The following CKMT2 variants were observed in gnomAD, a reference collection of about 807,000 sequenced individuals.
CKMT2 encodes creatine kinase, mitochondrial 2, also known as creatine kinase S-type, mitochondrial.
CKMT2 carries 43 observed loss-of-function variants against 48.9 expected under a neutral mutation model. The ratio of observed to expected loss-of-function variants is 0.88; its 90% CI spans 0.69 to 1.13. The LOEUF (loss-of-function observed/expected upper bound fraction) is 1.13. Among genes scored for constraint, CKMT2 ranks in the 50% most tolerant of loss-of-function variants. The pLI is 0.00. For missense variants in CKMT2, 472 were observed against 555.4 expected (o/e 0.85, Z 1.51); for synonymous variants, 206 against 213.0 (o/e 0.97, Z 0.29).
chr5:81,259,062 G>A (rs1363578661), intron 7 of CKMT2, 58 bp from the exon 8 acceptor site: 9 of 1,551,752 alleles, frequency 5.8e-6, no homozygotes, highest in Middle Eastern at 2.0e-4. Flanking sequence ...TTAGGGATGT[G>A]CTGAATGAAT....
At chr5:81,249,175 A>C (rs1756713919) in intron 1 of CKMT2, among the ~76,000 whole-genome samples, 1 of 151,586 alleles carries the variant, frequency 6.6e-6, no homozygotes, top group Non-Finnish European at 1.5e-5. Flanking sequence ...TAGCCTCCTG[A>C]GTAGCTGAGA....
chr5:81,237,260 A>G (rs978787948), intron 1 of CKMT2, among the ~76,000 whole-genome samples: 15 of 152,202 alleles, frequency 9.9e-5, no homozygotes, highest in African/African-American at 3.6e-4. Flanking sequence ...TTGGGGAGGG[A>G]GTGATGATGA....
At chr5:81,249,102 G>A (rs1477496388) in intron 1 of CKMT2, among the ~76,000 whole-genome samples, 1 of 147,548 alleles carries the variant, frequency 6.8e-6, no homozygotes, top group East Asian at 2.0e-4. Context: ...AGGTTGGATT[G>A]CAGTGGTATA....
At chr5:81,263,072 A>G (rs1342917712) in intron 8 of CKMT2, among the ~76,000 whole-genome samples, 3 of 151,964 alleles carry the variant, frequency 2.0e-5, no homozygotes, top group African/African-American at 4.8e-5. Flanking sequence ...AACTAACACA[A>G]GAACAGAAAA....
chr5:81,255,301 T>TC (rs1268578769), intron 5 of CKMT2, 87 bp downstream of exon 5: 1 of 1,211,494 alleles, frequency 8.3e-7, no homozygotes, highest in East Asian at 2.5e-5. Context: ...CTCTGCTCAG[T>TC]CCTTACCCTA....
chr5:81,238,364 C>A (rs7728591), intron 1 of CKMT2: 29,767 of 151,936 alleles, frequency 0.2, 3,105 homozygotes, highest in Admixed American at 0.28. Context: ...CAAAAAAAAA[C>A]CAGGCATATA....
chr5:81,237,781 T>C (rs1207785904), intron 1 of CKMT2: 4 of 152,298 alleles, frequency 2.6e-5, no homozygotes, highest in Middle Eastern at 6.8e-3. Flanking sequence ...TTGTTACAAA[T>C]TGCAACCGCT....
intron 1 of CKMT2, among the ~76,000 whole-genome samples, chr5:81,240,361 A>C (rs1756394954): frequency 1.3e-5 from 2 of 152,058 alleles, no homozygotes; most frequent in Admixed American, 6.5e-5. Flanking sequence ...GGCAGCTGGA[A>C]CTCTCTGGCA....
intron 1 of CKMT2, among the ~76,000 whole-genome samples, chr5:81,236,988 A>G (rs1756264043): frequency 6.6e-6 from 1 of 151,984 alleles, no homozygotes; most frequent in African/African-American, 2.4e-5. Flanking sequence ...CATCTCTACT[A>G]AAAGTACAAA....
intron 1 of CKMT2, chr5:81,242,613 C>A: frequency 3.2e-6 from 1 of 312,032 alleles, no homozygotes; most frequent in Non-Finnish European, 6.3e-6. Context: ...GCCCAGCATG[C>A]CAAAAAAGCC....
chr5:81,254,291 G>A, intron 3 of CKMT2, 105 bp from the exon 4 acceptor site: 1 of 837,836 alleles, frequency 1.2e-6, no homozygotes, highest in East Asian at 2.5e-5. Flanking sequence ...CAGAGAAGGA[G>A]GGCATCAACT....
At chr5:81,235,817 T>C (rs1344880993) in intron 1 of CKMT2, 1 of 152,224 alleles carries the variant, frequency 6.6e-6, no homozygotes, top group Non-Finnish European at 1.5e-5. Context: ...ATATTATTGC[T>C]TTTGGCTCTG....
intron 7 of CKMT2, among the ~76,000 whole-genome samples, chr5:81,258,880 C>T (rs367580237): frequency 1.3e-5 from 2 of 152,178 alleles, no homozygotes; most frequent in African/African-American, 4.8e-5. Context: ...TTCAAGACAC[C>T]GGTCCCTGAT....
intron 9 of CKMT2, 26 bp downstream of exon 9, chr5:81,263,642 A>G (rs375154956): frequency 1.0e-5 from 16 of 1,584,934 alleles, no homozygotes; most frequent in African/African-American, 2.7e-5. Flanking sequence ...CTTTCCTAAC[A>G]TGAACTAACA....
At chr5:81,234,752 C>CG (rs758157058) in intron 1 of CKMT2, among the ~76,000 whole-genome samples, 101 of 152,120 alleles carry the variant, frequency 6.6e-4, no homozygotes, top group Admixed American at 1.7e-3. Context: ...TGGGTTGGGT[C>CG]GGGGGGAGTA....
intron 8 of CKMT2, 147 bp downstream of exon 8, chr5:81,259,401 C>G (rs1243441922): frequency 1.9e-5 from 13 of 672,002 alleles, no homozygotes; most frequent in Non-Finnish European, 2.7e-5. Flanking sequence ...AAGTTTGCCT[C>G]CAAAGACATT....
At chr5:81,258,620 C>T (rs968941461) in intron 7 of CKMT2, among the ~76,000 whole-genome samples, 31 of 152,266 alleles carry the variant, frequency 2.0e-4, no homozygotes, top group African/African-American at 5.5e-4. Context: ...GGAACTGGGC[C>T]GCACAGCAGG....
intron 8 of CKMT2, among the ~76,000 whole-genome samples, chr5:81,261,390 C>G (rs890177535): frequency 6.6e-6 from 1 of 152,072 alleles, no homozygotes; most frequent in Non-Finnish European, 1.5e-5. Context: ...AGGGTATTCA[C>G]GCAGGAAGAG....
chr5:81,261,063 T>G (rs1342985918), intron 8 of CKMT2, among the ~76,000 whole-genome samples: 3 of 152,176 alleles, frequency 2.0e-5, no homozygotes, highest in Non-Finnish European at 4.4e-5. Context: ...TGGTTCAACG[T>G]ACACAAATCA....
Sources: allele counts gnomAD v4.1 joint callset (sites outside exome capture counted in the v4.1 genomes callset), GRCh38; gene constraint gnomAD v4.1.1; transcripts MANE v1.5; gene names NCBI Gene and HGNC (gene_info 2026-07-23, HGNC 2026-07-21).